Variants in MIA2 observed in about 807,000 individuals in gnomAD.
MIA2 encodes the protein MIA SH3 domain ER export factor 2.
A neutral mutation model predicts 167.8 loss-of-function variants in MIA2; 127 were observed. The observed-to-expected ratio is 0.76, with a 90% CI of 0.66 to 0.88. The LOEUF (loss-of-function observed/expected upper bound fraction) is 0.88, where lower values mean the gene tolerates loss of function less well. MIA2 is among the 40% of genes least tolerant of loss of function. MIA2 has a pLI of 0.00. For missense variants in MIA2, 1,690 were observed against 1,624.7 expected, an observed-to-expected ratio of 1.04 and a Z score of -0.69; for synonymous variants, 552 against 541.9, an observed-to-expected ratio of 1.02 and a Z score of -0.26.
At chr14:39,281,771 G>A (rs1396181900) in intron 9 of MIA2, among the ~76,000 whole-genome samples, 1 of 151,632 alleles carries the variant, frequency 6.6e-6, no homozygotes, top group African/African-American at 2.4e-5. Flanking sequence ...ACAGGCACAC[G>A]CTGCCACGCC....
chr14:39,387,056 G>A (rs2075284081), exon 24 of MIA2: 4 of 690,250 alleles, frequency 5.8e-6, no homozygotes, highest in Middle Eastern at 2.5e-4. Flanking sequence ...AGCTGGCGGC[G>A]GGTAATCAAA....
At chr14:39,329,850 G>T (rs1314129447) in intron 25 of MIA2, among the ~76,000 whole-genome samples, 1 of 152,140 alleles carries the variant, frequency 6.6e-6, no homozygotes, top group Non-Finnish European at 1.5e-5. Context: ...GCTTTTTAAT[G>T]TGCTGCTTGA....
At chr14:39,340,996 T>C (rs952529537) in intron 25 of MIA2, among the ~76,000 whole-genome samples, 2 of 152,040 alleles carry the variant, frequency 1.3e-5, no homozygotes, top group African/African-American at 2.4e-5. Context: ...AGAGGTGTTT[T>C]GGTTTTTAAA....
In MIA2 at chr14:39,318,012, G is replaced by T; in HGVS notation, c.3284+1G>T. 1 of 1,572,782 alleles carries T rather than the reference G, an allele frequency of 6.4e-7. No homozygotes were observed. Among genetic ancestry groups the T allele is most frequent in the Non-Finnish European group, 8.6e-7 (1 of 1,162,614 alleles). The stretch of plus-strand genomic sequence containing the variant: ...AAGAAAATGCTCACAACAGACAAAA[G>T]TAAGTATCTTAGTGGGAACATTTAA... On this transcript the variant is annotated splice_donor_variant, in intron 22 of 28. Coordinates refer to ENST00000640607, the MANE Select transcript of MIA2 (RefSeq NM_001329214.4). LOFTEE classifies it high-confidence loss of function.
At chr14:39,291,121 T>G in intron 10 of MIA2, 25 bp downstream of exon 10, 1 of 1,567,410 alleles carries the variant, frequency 6.4e-7, no homozygotes. Flanking sequence ...GGTATAATTT[T>G]AAAAGCTGGG....
intron 6 of MIA2, among the ~76,000 whole-genome samples, chr14:39,257,653 T>C (rs139374637): frequency 6.6e-6 from 1 of 152,332 alleles, no homozygotes; most frequent in African/African-American, 2.4e-5. Flanking sequence ...TTTTGCATAT[T>C]AGTTGATGCA....
In MIA2 at chr14:39,343,942, G is replaced by C. The variant is rs1044434559; in HGVS notation, c.3656-1962G>C. On this transcript the variant is annotated intron_variant, in intron 25 of 28. Coordinates refer to ENST00000640607, the MANE Select transcript of MIA2 (RefSeq NM_001329214.4). ...CTTTACTGCCTCTGACTCCATTTCT[G>C]ATTCCTGCAATCAGAAATAGATAGT... 2.6e-5 allele frequency among the ~76,000 whole-genome samples: 4 copies of C among 152,092 alleles called. No individual in the cohort carries two copies. The East Asian group carries it at 5.8e-4, about 22-fold the overall frequency.
At chr14:39,246,206 C>T (rs1382467447) in intron 3 of MIA2, among the ~76,000 whole-genome samples, 1 of 151,936 alleles carries the variant, frequency 6.6e-6, no homozygotes, top group East Asian at 1.9e-4. Flanking sequence ...AAGCAATTCT[C>T]CTGCCTCAGC....
chr14:39,245,136 G>A (rs1293029831), intron 3 of MIA2, among the ~76,000 whole-genome samples: 3 of 144,242 alleles, frequency 2.1e-5, no homozygotes, highest in Admixed American at 7.2e-5. Flanking sequence ...GAATGAAGTG[G>A]TGCAATCATG....
At chr14:39,386,217 G>T in intron 23 of MIA2, 1 of 1,396,092 alleles carries the variant, frequency 7.2e-7, no homozygotes, top group South Asian at 1.2e-5. Flanking sequence ...TTTATACCCA[G>T]TTTGTCTGCA....
chr14:39,358,085 T>G (rs1443697434), intron 23 of MIA2, among the ~76,000 whole-genome samples: 1 of 152,160 alleles, frequency 6.6e-6, no homozygotes, highest in Admixed American at 6.5e-5. Flanking sequence ...ATTTCCTGAA[T>G]TTGAATGTTG....
intron 14 of MIA2, among the ~76,000 whole-genome samples, chr14:39,301,039 TACAC>T (rs58641218): frequency 0.011 from 1,525 of 145,218 alleles, 24 homozygotes; most frequent in African/African-American, 0.034. Flanking sequence ...TACATATACA[TACAC>T]ACACACACAC....
In MIA2 at chr14:39,346,682, ATAAT is replaced by A. The variant is rs1161135877; in HGVS notation, c.3778+657_3778+660del. Among the ~76,000 whole-genome samples, 37 of 148,416 alleles carry A rather than the reference ATAAT, an allele frequency of 2.5e-4. 1 individual carries two copies. In the Admixed American group the frequency reaches 2.5e-3, roughly 10 times the overall value. Reference sequence around the variant, plus strand: ...ATATATTATTAAATATATATAATAAATAATGTTATATATATAATTTTAAAAATAT... The same window carrying A: ...ATATATTATTAAATATATATAATAAAGTTATATATATAATTTTAAAAATAT... On this transcript the variant is annotated intron_variant, in intron 26 of 28. Coordinates refer to ENST00000640607, the MANE Select transcript of MIA2 (RefSeq NM_001329214.4).
At chr14:39,327,857 T>G (rs1306217912) in intron 25 of MIA2, among the ~76,000 whole-genome samples, 1 of 152,230 alleles carries the variant, frequency 6.6e-6, no homozygotes, top group African/African-American at 2.4e-5. Context: ...ATTTTCTTTA[T>G]GCAGTCTGAC....
intron 7 of MIA2, among the ~76,000 whole-genome samples, chr14:39,278,881 C>T (rs2058529362): frequency 6.6e-6 from 1 of 152,122 alleles, no homozygotes; most frequent in African/African-American, 2.4e-5. Flanking sequence ...AGTATTTAGG[C>T]TGGGCATGGT....
In MIA2 at chr14:39,326,853, T is replaced by C. The variant is rs79593521; in HGVS notation, c.3497-11T>C. 7.2e-6 allele frequency: 11 copies of C among 1,526,252 alleles called. No homozygotes were observed. Among genetic ancestry groups the C allele is most frequent in the Non-Finnish European group, 8.8e-6 (10 of 1,138,944 alleles). 94.5% of individuals were successfully genotyped at this position (1,526,252 alleles called of 1,614,324 possible). A position where few individuals can be genotyped will look rare whatever the true frequency, so the allele number is the denominator to read the frequency against. ...TGAAACAGATTTGTATGTTTTTTTT[T>C]CTTTAATTAGGCTCACGAGGCCCAG... is the stretch of plus-strand genomic sequence containing the variant. On this transcript the variant is annotated splice_polypyrimidine_tract_variant and intron_variant, in intron 24 of 28. Transcript: ENST00000640607.
intron 25 of MIA2, among the ~76,000 whole-genome samples, chr14:39,330,593 G>A (rs2068635652): frequency 6.6e-6 from 1 of 151,986 alleles, no homozygotes; most frequent in Non-Finnish European, 1.5e-5. Context: ...ATCTCCTGTG[G>A]GTATTTTAGT....
rs1172577543 is a variant in MIA2, at chr14:39,234,406, A to G, written c.115+177A>G. 2.6e-5 allele frequency among the ~76,000 whole-genome samples: 4 copies of G among 152,356 alleles called. No individual in the cohort carries two copies. In the East Asian group the frequency reaches 7.7e-4, roughly 29 times the overall value. ...TGGAAGCAAAGCATTTTGTGGTAGT[A>G]TTTAATACAAATATACAAATAGCAA... On this transcript the variant is annotated intron_variant, in intron 1 of 28. Transcript: ENST00000640607.
At chr14:39,362,661 T>A (rs564942426) in intron 23 of MIA2, among the ~76,000 whole-genome samples, 3 of 152,296 alleles carry the variant, frequency 2.0e-5, no homozygotes, top group South Asian at 4.1e-4. Context: ...TTTGTATTGT[T>A]TTTCTAGTCT....
Sources: gnomAD v4.1 joint callset for allele counts (sites outside exome capture counted in the v4.1 genomes callset) on GRCh38, gnomAD v4.1.1 for gene constraint, MANE v1.5 for transcripts, NCBI Gene and HGNC (gene_info 2026-07-23, HGNC 2026-07-21) for gene names.